RBMS1: variants seen among roughly 807,000 people sequenced by gnomAD.
RBMS1 encodes RNA-binding motif, single-stranded-interacting protein 1.
A neutral mutation model predicts 62.3 loss-of-function variants in RBMS1; 17 were observed. The ratio of observed to expected loss-of-function variants is 0.27; its 90% CI spans 0.19 to 0.41. The LOEUF is 0.41. Among genes scored for constraint, RBMS1 ranks in the 10% least tolerant of loss-of-function variants. RBMS1 has a pLI of 1.00. For synonymous variants in RBMS1, 172 were observed against 170.0 expected (o/e 1.01, Z -0.09); for missense variants, 334 against 504.5 (o/e 0.66, Z 3.24).
chr2:160,454,358 G>C (rs1574079925), intron 1 of RBMS1, among the ~76,000 whole-genome samples: 1 of 152,292 alleles, frequency 6.6e-6, no homozygotes, highest in Middle Eastern at 3.4e-3. Flanking sequence ...TTGTGAATAA[G>C]ATGCTAAAGA....
At chr2:160,447,388 G>A (rs961398925) in intron 1 of RBMS1, among the ~76,000 whole-genome samples, 1 of 152,186 alleles carries the variant, frequency 6.6e-6, no homozygotes, top group Non-Finnish European at 1.5e-5. Context: ...AAATGGAGCT[G>A]CAGGAAGAAA....
At chr2:160,413,083 C>G (rs1213716135) in intron 1 of RBMS1, among the ~76,000 whole-genome samples, 1 of 152,218 alleles carries the variant, frequency 6.6e-6, no homozygotes, top group Non-Finnish European at 1.5e-5. Flanking sequence ...AAGAAAAGAA[C>G]TGACCTACAG....
At chr2:160,493,201 C>T in intron 1 of RBMS1, 88 bp downstream of exon 1, 1 of 1,292,350 alleles carries the variant, frequency 7.7e-7, no homozygotes, top group Non-Finnish European at 1.1e-6. Context: ...GGCGGGGGTT[C>T]GCCGCGCGCC....
intron 2 of RBMS1, among the ~76,000 whole-genome samples, chr2:160,325,555 T>A (rs947175926): frequency 6.6e-6 from 1 of 152,192 alleles, no homozygotes; most frequent in Non-Finnish European, 1.5e-5. Flanking sequence ...TCTAACTCAC[T>A]TTTTTGGCTG....
At chr2:160,344,136 G>A (rs532371449) in intron 2 of RBMS1, among the ~76,000 whole-genome samples, 16 of 152,188 alleles carry the variant, frequency 1.1e-4, no homozygotes, top group Non-Finnish European at 2.1e-4. Flanking sequence ...TAACCTGAAA[G>A]TTATATTTTT....
In RBMS1 at chr2:160,311,210, A is replaced by ATCTCTCTCTCTC. The variant is rs1361792296; in HGVS notation, c.402+1945_402+1946insGAGAGAGAGAGA. On this transcript the variant is annotated intron_variant, in intron 4 of 13. Coordinates refer to ENST00000348849, the MANE Select transcript of RBMS1 (RefSeq NM_016836.4). The stretch of plus-strand genomic sequence containing the variant: ...ACCCTGTCTCCAAAAAAAAAAAAAA[A>ATCTCTCTCTCTC]TCTATCTATCTATCTATCTATCTAT... Among the ~76,000 whole-genome samples, 134 of 56,586 alleles carry ATCTCTCTCTCTC rather than the reference A, an allele frequency of 2.4e-3. 2 individuals are homozygous for ATCTCTCTCTCTC. The highest frequency in any genetic ancestry group is 5.2e-3 in the Admixed American group (25 of 4,820). 37.1% of individuals were successfully genotyped at this position (56,586 alleles called of 152,430 possible). A position where few individuals can be genotyped will look rare whatever the true frequency, so the allele number is the denominator to read the frequency against.
At chr2:160,304,796 CTTAAAT>C (rs1307929709) in intron 4 of RBMS1, among the ~76,000 whole-genome samples, 1 of 152,074 alleles carries the variant, frequency 6.6e-6, no homozygotes, top group Non-Finnish European at 1.5e-5. Context: ...AAGTCAAAAA[CTTAAAT>C]TTAAAGGTTT....
At chr2:160,380,805 C>G (rs781540243) in intron 1 of RBMS1, among the ~76,000 whole-genome samples, 1 of 152,178 alleles carries the variant, frequency 6.6e-6, no homozygotes, top group Admixed American at 6.5e-5. Flanking sequence ...TCCACCCACA[C>G]CCTCGTGGCA....
chr2:160,405,796 C>T (rs1177986177), intron 1 of RBMS1, among the ~76,000 whole-genome samples: 1 of 152,280 alleles, frequency 6.6e-6, no homozygotes, highest in East Asian at 1.9e-4. Context: ...AAGGCCTCGC[C>T]CTCAGAGCCT....
chr2:160,405,057 T>C (rs1367057180), intron 1 of RBMS1, among the ~76,000 whole-genome samples: 1 of 152,228 alleles, frequency 6.6e-6, no homozygotes, highest in South Asian at 2.1e-4. Flanking sequence ...AAAATGGATA[T>C]ACAAATATTG....
Position 160,281,317 on chromosome 2 carries a change from G to A in RBMS1, c.948C>T (p.His316=), listed in dbSNP as rs1453779913. The A allele has an allele frequency of 3.1e-6, 5 of 1,605,122 alleles. No individual in the cohort carries two copies. The highest frequency in any genetic ancestry group is 1.3e-5 in the African/African-American group (1 of 74,648). Residue 316 remains histidine (H), a synonymous_variant, in exon 10 of 14, where the codon CAC becomes CAT. Transcript: ENST00000348849. The part of the protein sequence containing the change: ...WMQPQPYILQ[H]PGAVLTPSME... Reference sequence around the variant, plus strand: ...GTCATTAAGATAAAAAACTTACAGGGTGCTGTAGAATATATGGTTGAGGTT... The same window carrying A: ...GTCATTAAGATAAAAAACTTACAGGATGCTGTAGAATATATGGTTGAGGTT...
rs1324922029 is a variant in RBMS1, at chr2:160,287,085, C to T, written c.641-1G>A. ...TTACACAATAAAGGTTCTGTGGGGGCTAAGTAAACAGAGAAAAATAAAATG... is the reference window on the plus strand; with the variant it reads ...TTACACAATAAAGGTTCTGTGGGGGTTAAGTAAACAGAGAAAAATAAAATG... On this transcript the variant is annotated splice_acceptor_variant, in intron 6 of 13. Coordinates refer to ENST00000348849, the MANE Select transcript of RBMS1 (RefSeq NM_016836.4). LOFTEE classifies it high-confidence loss of function. 1.2e-6 allele frequency: 2 copies of T among 1,613,752 alleles called. No individual in the cohort carries two copies. The highest frequency in any genetic ancestry group is 2.2e-5 in the South Asian group (2 of 91,084).
intron 7 of RBMS1, 66 bp from the exon 8 acceptor site, chr2:160,285,110 A>G: frequency 6.6e-7 from 1 of 1,520,844 alleles, no homozygotes; most frequent in Non-Finnish European, 9.1e-7. Context: ...TTCTATTTTT[A>G]GCCAGGTGTG....
In RBMS1 at chr2:160,324,907, T is replaced by TATATATAC. The variant is rs1321182985; in HGVS notation, c.252-6681_252-6680insGTATATAT. Among the ~76,000 whole-genome samples, 460 of 106,602 alleles carry TATATATAC rather than the reference T, an allele frequency of 4.3e-3. 1 individual carries two copies. The highest frequency in any genetic ancestry group is 0.014 in the African/African-American group (330 of 23,876). The allele number at this position is 106,602 out of a possible 152,430, so 69.9% of individuals were successfully genotyped here. A position where few individuals can be genotyped will look rare whatever the true frequency, so the allele number is the denominator to read the frequency against. On this transcript the variant is annotated intron_variant, in intron 2 of 13. Coordinates refer to ENST00000348849, the MANE Select transcript of RBMS1 (RefSeq NM_016836.4). The stretch of plus-strand genomic sequence containing the variant: ...GTATATATATATATATATATATATA[T>TATATATAC]ACACACACACACACACACACACACA...
rs1574200590 is a variant in RBMS1 at position 160,278,652 on chromosome 2, C to T, written c.958G>A (p.Val320Met). The part of the protein sequence containing the change: ...QPYILQHPGA[V>M]LTPSMEHTMS... The stretch of plus-strand genomic sequence containing the variant: ...GTGTGCTCCATTGAGGGAGTTAACA[C>T]GGCACCCTGGGGAGTTGGAGACAGG... Residue 320 changes from valine (V) to methionine (M), a missense_variant, in exon 11 of 14, where the codon GTG becomes ATG. Around this residue, in one of 3 missense-constraint regions of RBMS1, gnomAD observed 182 missense variants for 257.7 expected, o/e 0.71. Coordinates refer to ENST00000348849, the MANE Select transcript of RBMS1 (RefSeq NM_016836.4). 6 of 1,610,522 alleles carry T rather than the reference C, an allele frequency of 3.7e-6. No individual in the cohort carries two copies. Among genetic ancestry groups the T allele is most frequent in the South Asian group, 2.2e-5 (2 of 90,628 alleles).
At chr2:160,435,022 A>AT (rs1354945359) in intron 1 of RBMS1, among the ~76,000 whole-genome samples, 6 of 152,206 alleles carry the variant, frequency 3.9e-5, no homozygotes, top group Non-Finnish European at 7.3e-5. Flanking sequence ...GGAATTAGAC[A>AT]TTTAAAGAGG....
At chr2:160,446,451 G>C (rs889894491) in intron 1 of RBMS1, among the ~76,000 whole-genome samples, 1 of 152,154 alleles carries the variant, frequency 6.6e-6, no homozygotes, top group Non-Finnish European at 1.5e-5. Context: ...TAGTCAAGTA[G>C]GACACCTCTT....
intron 1 of RBMS1, among the ~76,000 whole-genome samples, chr2:160,431,115 G>T: frequency 1.4e-5 from 2 of 144,062 alleles, no homozygotes; most frequent in East Asian, 2.2e-4. Flanking sequence ...AGAATGGCCT[G>T]GGTTACCTAG....
At chr2:160,299,275 T>A (rs1412363313) in intron 6 of RBMS1, among the ~76,000 whole-genome samples, 1 of 152,222 alleles carries the variant, frequency 6.6e-6, no homozygotes, top group African/African-American at 2.4e-5. Flanking sequence ...AGTTTCTAGA[T>A]TGTAAAGACT....
Sources: gnomAD v4.1 joint callset for allele counts (sites outside exome capture counted in the v4.1 genomes callset) on GRCh38, gnomAD v4.1.1 for gene constraint, gnomAD v4.1.1 regional missense constraint, MANE v1.5 for transcripts, NCBI Gene and HGNC (gene_info 2026-07-23, HGNC 2026-07-21) for gene names.